Variants in EHBP1 observed in about 807,000 individuals in gnomAD.
The protein encoded by EHBP1 is EH domain-binding protein 1.
A neutral mutation model predicts 144.0 loss-of-function variants in EHBP1; 55 were observed. The ratio of observed to expected loss-of-function variants is 0.38; its 90% confidence interval spans 0.31 to 0.48. EHBP1 has a LOEUF of 0.48. EHBP1 is among the 20% of genes least tolerant of loss of function. EHBP1 has a pLI of 0.98. For synonymous variants in EHBP1, 469 were observed against 472.7 expected (o/e 0.99, Z 0.10); for missense variants, 1,200 against 1,364.2 (o/e 0.88, Z 1.90).
intron 2 of EHBP1, 72 bp from the exon 3 acceptor site, chr2:62,747,323 C>CTTT: frequency 6.9e-7 from 1 of 1,444,792 alleles, no homozygotes; most frequent in Non-Finnish European, 9.6e-7. Context: ...CATTTTTGCC[C>CTTT]TTTTAAAGGC....
chr2:62,687,922 G>A (rs2033772833), intron 1 of EHBP1, among the ~76,000 whole-genome samples: 1 of 152,068 alleles, frequency 6.6e-6, no homozygotes, highest in African/African-American at 2.4e-5. Context: ...GCTGATAGGT[G>A]GCTTCTTTAC....
chr2:62,865,725 C>A, intron 9 of EHBP1, among the ~76,000 whole-genome samples: 1 of 152,136 alleles, frequency 6.6e-6, no homozygotes, highest in East Asian at 1.9e-4. Context: ...GGATAATGAT[C>A]CCTGAGAGAA....
intron 14 of EHBP1, among the ~76,000 whole-genome samples, chr2:62,961,535 T>A (rs1227871120): frequency 6.6e-6 from 1 of 152,186 alleles, no homozygotes; most frequent in African/African-American, 2.4e-5. Flanking sequence ...TTTCATTTTT[T>A]TCCACATGTG....
chr2:62,743,791 G>C (rs1222419713), intron 2 of EHBP1, among the ~76,000 whole-genome samples: 3 of 152,108 alleles, frequency 2.0e-5, no homozygotes, highest in Non-Finnish European at 4.4e-5. Flanking sequence ...GCCAGGGAAA[G>C]CTCAAGCTAA....
chr2:62,741,164 G>A (rs559259864), intron 2 of EHBP1, among the ~76,000 whole-genome samples: 1 of 152,186 alleles, frequency 6.6e-6, no homozygotes, highest in East Asian at 1.9e-4. Context: ...ATAGTGTGGG[G>A]AAATATACTA....
intron 5 of EHBP1, among the ~76,000 whole-genome samples, chr2:62,803,306 A>T (rs1469078658): frequency 6.6e-6 from 1 of 152,072 alleles, no homozygotes; most frequent in African/African-American, 2.4e-5. Flanking sequence ...CCCAGAATGG[A>T]ACTGTTCAGT....
intron 15 of EHBP1, among the ~76,000 whole-genome samples, chr2:62,988,470 C>T (rs1032732051): frequency 2.0e-5 from 3 of 152,056 alleles, no homozygotes; most frequent in African/African-American, 7.2e-5. Context: ...AGATTTTCTG[C>T]TTACCTTACT....
intron 19 of EHBP1, among the ~76,000 whole-genome samples, chr2:63,027,127 G>A (rs1427642100): frequency 3.9e-5 from 6 of 152,182 alleles, no homozygotes; most frequent in Non-Finnish European, 5.9e-5. Context: ...TTGAGGCCTG[G>A]TTCCACCACT....
At chr2:62,970,840 G>T (rs2058466567) in intron 14 of EHBP1, among the ~76,000 whole-genome samples, 1 of 152,158 alleles carries the variant, frequency 6.6e-6, no homozygotes, top group Non-Finnish European at 1.5e-5. Flanking sequence ...GGGGGTTGTA[G>T]CTGTGTCAAA....
chr2:62,904,002 T>C (rs866099555), intron 10 of EHBP1, among the ~76,000 whole-genome samples: 4 of 152,232 alleles, frequency 2.6e-5, no homozygotes, highest in Non-Finnish European at 4.4e-5. Flanking sequence ...TACTTACCTT[T>C]CTATGTTTTG....
chr2:62,812,111 G>A (rs1013029954), intron 5 of EHBP1, among the ~76,000 whole-genome samples: 11 of 152,080 alleles, frequency 7.2e-5, no homozygotes, highest in African/African-American at 2.2e-4. Context: ...GCTCACTTTC[G>A]CTTTTCACAA....
chr2:62,986,813 T>C (rs1187648781), intron 15 of EHBP1, among the ~76,000 whole-genome samples: 3 of 152,190 alleles, frequency 2.0e-5, no homozygotes, highest in Non-Finnish European at 4.4e-5. Context: ...ATGTAAACTA[T>C]TGTTATTAAT....
At chr2:63,024,853 A>G (rs1430093835) in intron 19 of EHBP1, among the ~76,000 whole-genome samples, 2 of 150,968 alleles carry the variant, frequency 1.3e-5, no homozygotes, top group African/African-American at 2.4e-5. Flanking sequence ...AAAATTAGCC[A>G]GACATGGTGG....
Position 62,786,006 on chromosome 2 carries a change from T to G in EHBP1, c.312+14614T>G, listed in dbSNP as rs547365135. 3.3e-5 allele frequency among the ~76,000 whole-genome samples: 5 copies of G among 152,328 alleles called. No homozygotes were observed. In the East Asian group the frequency reaches 9.6e-4, roughly 29 times the overall value. ...AGCTTTGTGGGCATTAGTTGTCTAC[T>G]GCATTCCCGTATGTAACCAACTAAA... On this transcript the variant is annotated intron_variant, in intron 5 of 22. Coordinates refer to ENST00000431489, the MANE Select transcript of EHBP1 (RefSeq NM_001142616.3).
intron 1 of EHBP1, among the ~76,000 whole-genome samples, chr2:62,689,116 A>G (rs986158852): frequency 6.6e-6 from 1 of 152,232 alleles, no homozygotes; most frequent in Non-Finnish European, 1.5e-5. Flanking sequence ...ATTAGAAAGA[A>G]CTTTCAAAGC....
intron 7 of EHBP1, among the ~76,000 whole-genome samples, chr2:62,852,016 A>G (rs911493583): frequency 1.3e-5 from 2 of 152,176 alleles, no homozygotes; most frequent in Non-Finnish European, 2.9e-5. Context: ...AGTCATCTTG[A>G]TAGTATTTTT....
In EHBP1 at chr2:62,674,904, G is replaced by T. The variant is rs138621876; in HGVS notation, c.-296+821G>T. Among the ~76,000 whole-genome samples the T allele has an allele frequency of 2.2e-3, 342 of 152,266 alleles. 1 individual carries two copies. Among genetic ancestry groups the T allele is most frequent in the African/African-American group, 7.6e-3 (314 of 41,546 alleles). ...TCTCGGTCTCCCAAAGCACTGGGAT[G>T]CCAGGTGTGAGCCACCATACCCAGC... On this transcript the variant is annotated intron_variant, in intron 1 of 22. Coordinates refer to the EHBP1 transcript ENST00000405015.
rs915844603 is a variant in EHBP1 at position 63,045,016 on chromosome 2, G to T, written c.3278-50G>T. 1 of 1,375,120 alleles carries T rather than the reference G, an allele frequency of 7.3e-7. No individual in the cohort carries two copies. The highest frequency in any genetic ancestry group is 1.0e-6 in the Non-Finnish European group (1 of 990,956). The allele number at this position is 1,375,120 out of a possible 1,614,324, so 85.2% of individuals were successfully genotyped here. ...GGCGGGAAGGGGAGGGCGGGGGGCC[G>T]GGTGTTCGGAGGCCCTGCCGGTGGG... On this transcript the variant is annotated intron_variant, in intron 21 of 22. Coordinates refer to ENST00000431489, the MANE Select transcript of EHBP1 (RefSeq NM_001142616.3). The surrounding 1 kb of genome is among the most constrained non-coding windows in gnomAD (Gnocchi z 5.7).
chr2:62,808,959 G>A (rs2044723831), intron 5 of EHBP1, among the ~76,000 whole-genome samples: 1 of 152,150 alleles, frequency 6.6e-6, no homozygotes, highest in South Asian at 2.1e-4. Flanking sequence ...CAGCAGGTTA[G>A]GCTCTGGTTA....
Sources: allele counts gnomAD v4.1 joint callset (sites outside exome capture counted in the v4.1 genomes callset), GRCh38; gene constraint gnomAD v4.1.1; non-coding constraint Gnocchi (gnomAD v3.1); transcripts MANE v1.5; gene names NCBI Gene and HGNC (gene_info 2026-07-23, HGNC 2026-07-21).